SLA2: variants seen among roughly 807,000 people sequenced by gnomAD.
SLA2 encodes the protein src-like-adapter 2.
In SLA2, 22 loss-of-function variants were observed where a neutral mutation model predicts 27.3. That is an observed-to-expected ratio of 0.81 (90% confidence interval 0.58 to 1.15). The LOEUF is 1.15. Ranked by LOEUF, SLA2 falls within the 50% of genes most tolerant of loss-of-function variation. SLA2 has a pLI of 0.00. For missense variants in SLA2, 304 were observed against 322.2 expected (o/e 0.94, Z 0.43); for synonymous variants, 131 against 137.8 (o/e 0.95, Z 0.34).
rs200739327 is a variant in SLA2 at position 36,638,339 on chromosome 20, TTTTG to T, written c.91+2902_91+2905del. Among the ~76,000 whole-genome samples the T allele has an allele frequency of 4.3e-3, 646 of 151,164 alleles. 2 individuals carry two copies. The highest frequency in any genetic ancestry group is 0.014 in the Middle Eastern group (4 of 294). On this transcript the variant is annotated intron_variant, in intron 2 of 7. Transcript: ENST00000262866. ...ATTGTTTTTGTTTTGTTTTGTTTTGTTTTGTTTGAGACAGAGTCTTGCTCTGTCC... is the reference window on the plus strand; with the variant it reads ...ATTGTTTTTGTTTTGTTTTGTTTTGTTTTGAGACAGAGTCTTGCTCTGTCC...
intron 5 of SLA2, among the ~76,000 whole-genome samples, chr20:36,616,803 T>C (rs2039217681): frequency 1.3e-5 from 2 of 152,154 alleles, no homozygotes; most frequent in Admixed American, 1.3e-4. Flanking sequence ...ATTTAAAATA[T>C]TAAAACAGGC....
intron 5 of SLA2, among the ~76,000 whole-genome samples, chr20:36,616,368 T>A (rs950556632): frequency 6.6e-6 from 1 of 150,464 alleles, no homozygotes; most frequent in Non-Finnish European, 1.5e-5. Context: ...TCTCCCTCTG[T>A]TGCCCAGGCT....
At position 36,613,717 on chromosome 20, in the gene SLA2, A is replaced by G; in HGVS notation, c.*149T>C. ...TGACTTCTAAGGGCTAAGAGAGGAAAGAGCAAGGGTACAGGTGGGACCCTA... is the reference window on the plus strand; with the variant it reads ...TGACTTCTAAGGGCTAAGAGAGGAAGGAGCAAGGGTACAGGTGGGACCCTA... On this transcript the variant is annotated 3_prime_UTR_variant, in exon 8 of 8. Transcript: ENST00000262866. The G allele has an allele frequency of 1.1e-6, 1 of 940,072 alleles. No individual in the cohort carries two copies. The highest frequency in any genetic ancestry group is 1.6e-6 in the Non-Finnish European group (1 of 641,572). The allele number at this position is 940,072 out of a possible 1,614,324, so 58.2% of individuals were successfully genotyped here.
At chr20:36,630,259 G>C (rs377744949) in intron 5 of SLA2, among the ~76,000 whole-genome samples, 1 of 152,236 alleles carries the variant, frequency 6.6e-6, no homozygotes, top group Non-Finnish European at 1.5e-5. Flanking sequence ...TGAGGTGGGG[G>C]TGCTGATGCT....
At chr20:36,618,378 A>C (rs2039239419) in intron 5 of SLA2, among the ~76,000 whole-genome samples, 1 of 151,510 alleles carries the variant, frequency 6.6e-6, no homozygotes, top group African/African-American at 2.4e-5. Flanking sequence ...CTGGGACTAC[A>C]GGCACGTGCC....
At chr20:36,637,431 G>C (rs775227904) in intron 2 of SLA2, among the ~76,000 whole-genome samples, 1 of 151,258 alleles carries the variant, frequency 6.6e-6, no homozygotes, top group African/African-American at 2.4e-5. Context: ...TCCTGACCTC[G>C]TGATCTGCCC....
chr20:36,634,660 G>A (rs2039426668), intron 2 of SLA2, 71 bp from the exon 3 acceptor site: 3 of 1,027,214 alleles, frequency 2.9e-6, no homozygotes, highest in Non-Finnish European at 2.8e-6. Context: ...AGTGGAGTCT[G>A]GCCTGGGTCT....
At chr20:36,616,809 C>T (rs1360862646) in intron 5 of SLA2, among the ~76,000 whole-genome samples, 1 of 152,158 alleles carries the variant, frequency 6.6e-6, no homozygotes, top group Non-Finnish European at 1.5e-5. Flanking sequence ...AATATTAAAA[C>T]AGGCTAGGGG....
intron 3 of SLA2, among the ~76,000 whole-genome samples, chr20:36,634,275 C>T (rs538109440): frequency 2.0e-5 from 3 of 152,094 alleles, no homozygotes; most frequent in South Asian, 4.2e-4. Context: ...TGTGAGCTAC[C>T]ACGCCTGGCC....
intron 5 of SLA2, among the ~76,000 whole-genome samples, chr20:36,630,242 A>G (rs1490674414): frequency 2.0e-5 from 3 of 152,094 alleles, no homozygotes; most frequent in Non-Finnish European, 4.4e-5. Flanking sequence ...CAGCCTATGG[A>G]TGTATGTGAG....
intron 1 of SLA2, 56 bp downstream of exon 1, chr20:36,645,781 A>C (rs1255720715): frequency 1.3e-5 from 2 of 152,106 alleles, no homozygotes; most frequent in African/African-American, 4.8e-5. Context: ...GGCAGGGGAG[A>C]CCATTCTTCC....
chr20:36,614,067 C>A, intron 7 of SLA2, 81 bp from the exon 8 acceptor site: 1 of 1,573,658 alleles, frequency 6.4e-7, no homozygotes, highest in Non-Finnish European at 8.6e-7. Flanking sequence ...GCACTGTTCT[C>A]AAAACCCTTC....
intron 5 of SLA2, among the ~76,000 whole-genome samples, chr20:36,628,306 C>T (rs2039359646): frequency 6.6e-6 from 1 of 152,168 alleles, no homozygotes; most frequent in Non-Finnish European, 1.5e-5. Context: ...ACGCAGGACA[C>T]ACCTTATACA....
intron 5 of SLA2, among the ~76,000 whole-genome samples, chr20:36,615,820 C>T (rs998349526): frequency 6.6e-6 from 1 of 152,132 alleles, no homozygotes; most frequent in African/African-American, 2.4e-5. Context: ...ACCTTACAAC[C>T]CAGCAGTTCT....
chr20:36,619,840 G>A (rs1444704316), intron 5 of SLA2, among the ~76,000 whole-genome samples: 3 of 150,626 alleles, frequency 2.0e-5, no homozygotes, highest in Non-Finnish European at 4.4e-5. Context: ...CACCATGTTA[G>A]CCAGGATGGT....
intron 5 of SLA2, among the ~76,000 whole-genome samples, chr20:36,618,102 G>A (rs1363354828): frequency 7.4e-5 from 11 of 149,368 alleles, no homozygotes; most frequent in Non-Finnish European, 1.5e-4. Flanking sequence ...AGGCGAGATC[G>A]TGCCACTGCA....
chr20:36,636,619 A>ATATAT (rs1568609040), intron 2 of SLA2, among the ~76,000 whole-genome samples: 3 of 126,920 alleles, frequency 2.4e-5, no homozygotes, highest in African/African-American at 1.1e-4. Context: ...AAGAAAAAAA[A>ATATAT]AAAAATATAT....
At chr20:36,636,733 A>C (rs957493061) in intron 2 of SLA2, among the ~76,000 whole-genome samples, 3 of 150,554 alleles carry the variant, frequency 2.0e-5, no homozygotes, top group African/African-American at 7.3e-5. Flanking sequence ...AGATCGCCTG[A>C]GGTCGGGAGT....
chr20:36,617,771 C>T (rs1176791558), intron 5 of SLA2, among the ~76,000 whole-genome samples: 1 of 143,120 alleles, frequency 7.0e-6, no homozygotes, highest in East Asian at 2.1e-4. Flanking sequence ...GCAGGAGACT[C>T]GCTTGAACCC....
Sources: gnomAD v4.1 joint callset for allele counts (sites outside exome capture counted in the v4.1 genomes callset) on GRCh38, gnomAD v4.1.1 for gene constraint, MANE v1.5 for transcripts, NCBI Gene and HGNC (gene_info 2026-07-23, HGNC 2026-07-21) for gene names.